Variants in POM121C observed in about 807,000 individuals in gnomAD.
POM121C encodes the protein nuclear envelope pore membrane protein POM 121C.
POM121C carries 20 observed loss-of-function variants against 66.4 expected under a neutral mutation model. The ratio of observed to expected loss-of-function variants is 0.30; its 90% confidence interval spans 0.21 to 0.44. The LOEUF (loss-of-function observed/expected upper bound fraction) is 0.44, where lower values mean the gene tolerates loss of function less well. POM121C is among the 20% of genes least tolerant of loss of function. The pLI, the probability that POM121C is intolerant of heterozygous loss-of-function variation, is 1.00. For missense variants in POM121C, 580 were observed against 1,225.7 expected (o/e 0.47, Z 7.87); for synonymous variants, 286 against 528.0 (o/e 0.54, Z 6.28).
At chr7:75,425,433 T>G in intron 9 of POM121C, 2 of 1,318,920 alleles carry the variant, frequency 1.5e-6, no homozygotes, top group African/African-American at 1.5e-5. Context: ...CTTACCTCTA[T>G]CCAATCGTTA....
rs1423510815 is a variant in POM121C at position 75,456,008 on chromosome 7, G to C, written c.-151-14361C>G. On this transcript the variant is annotated intron_variant, in intron 3 of 14. Coordinates refer to ENST00000615331, the MANE Select transcript of POM121C (RefSeq NM_001099415.3). ...CCAGCACTTTGGGAGGCCAAAGAGGGAGGACAGCTTGAGCCCAAGAGTTCA... is the reference window on the plus strand; with the variant it reads ...CCAGCACTTTGGGAGGCCAAAGAGGCAGGACAGCTTGAGCCCAAGAGTTCA... Among the ~76,000 whole-genome samples, 2 of 152,244 alleles carry C rather than the reference G, an allele frequency of 1.3e-5. 1 individual carries two copies. Among genetic ancestry groups the C allele is most frequent in the South Asian group, 4.1e-4 (2 of 4,832 alleles).
chr7:75,461,706 C>T (rs1188326893), intron 3 of POM121C, among the ~76,000 whole-genome samples: 5 of 151,894 alleles, frequency 3.3e-5, no homozygotes, highest in African/African-American at 9.7e-5. Flanking sequence ...CCACCATGCC[C>T]GGCCAAAACA....
At chr7:75,432,194 A>G (rs1790210777) in intron 7 of POM121C, among the ~76,000 whole-genome samples, 1 of 151,980 alleles carries the variant, frequency 6.6e-6, no homozygotes, top group African/African-American at 2.4e-5. Context: ...CAAAAAAAAA[A>G]AAAAAAAAAA....
At chr7:75,472,205 C>G (rs1305674691) in intron 3 of POM121C, among the ~76,000 whole-genome samples, 1 of 150,686 alleles carries the variant, frequency 6.6e-6, no homozygotes, top group Non-Finnish European at 1.5e-5. Flanking sequence ...GTTTTTTTAA[C>G]CACAATTTAA....
chr7:75,436,672 G>C (rs1164084278), intron 7 of POM121C, among the ~76,000 whole-genome samples: 1 of 152,046 alleles, frequency 6.6e-6, no homozygotes, highest in Non-Finnish European at 1.5e-5. Context: ...CACTGTAATA[G>C]GTGCTTTTTA....
At chr7:75,430,219 C>T (rs1790111994) in intron 7 of POM121C, among the ~76,000 whole-genome samples, 1 of 151,856 alleles carries the variant, frequency 6.6e-6, no homozygotes. Context: ...CAAGACAGTC[C>T]TGAAAAGAAA....
intron 5 of POM121C, among the ~76,000 whole-genome samples, chr7:75,440,321 A>C (rs1333924568): frequency 6.6e-6 from 1 of 151,680 alleles, no homozygotes; most frequent in Non-Finnish European, 1.5e-5. Flanking sequence ...TAATCCCAGC[A>C]CTTTGGGAGG....
At chr7:75,477,306 G>A (rs1792127936) in intron 1 of POM121C, among the ~76,000 whole-genome samples, 1 of 152,152 alleles carries the variant, frequency 6.6e-6, no homozygotes, top group Admixed American at 6.5e-5. Context: ...AAAGTGCTTG[G>A]GCACGGTGGC....
chr7:75,441,797 C>T, intron 3 of POM121C, 150 bp from the exon 4 acceptor site: 1 of 724,030 alleles, frequency 1.4e-6, no homozygotes, highest in Non-Finnish European at 2.2e-6. Context: ...TGGCAACTTT[C>T]CCCTATTCCA....
At chr7:75,481,816 CA>C (rs1216026156) in intron 1 of POM121C, among the ~76,000 whole-genome samples, 1 of 151,274 alleles carries the variant, frequency 6.6e-6, no homozygotes, top group African/African-American at 2.4e-5. Flanking sequence ...ACTCTGTCTC[CA>C]AAAAAAGAAA....
chr7:75,452,687 C>T (rs1191768614), intron 3 of POM121C, among the ~76,000 whole-genome samples: 2 of 152,152 alleles, frequency 1.3e-5, no homozygotes, highest in Non-Finnish European at 2.9e-5. Context: ...TCTAACATTA[C>T]CAGGGAAGAA....
chr7:75,468,876 TA>T (rs1346714271), intron 3 of POM121C, among the ~76,000 whole-genome samples: 1 of 152,100 alleles, frequency 6.6e-6, no homozygotes, highest in Admixed American at 6.6e-5. Flanking sequence ...TTTAAAACAT[TA>T]AAAATTGTTT....
chr7:75,420,414 A>C (rs868968274), intron 13 of POM121C: 1 of 151,646 alleles, frequency 6.6e-6, no homozygotes, highest in Non-Finnish European at 1.5e-5. Context: ...GGGTCTCCAC[A>C]GCCGGGTGGC....
intron 7 of POM121C, among the ~76,000 whole-genome samples, chr7:75,434,823 C>T (rs1790343612): frequency 6.6e-6 from 1 of 152,098 alleles, no homozygotes; most frequent in African/African-American, 2.4e-5. Context: ...GATCTGCCTG[C>T]CTCGGACTCT....
rs1789557747 is a variant in POM121C at position 75,418,353 on chromosome 7, A to G, written c.*443T>C. On this transcript the variant is annotated 3_prime_UTR_variant, in exon 15 of 15. Transcript: ENST00000615331. Reference sequence around the variant, plus strand: ...AGAACCACTTCTCACAGCTAAGCCAAGCAAGATAAAGCTTTAGGGATAACC... The same window carrying G: ...AGAACCACTTCTCACAGCTAAGCCAGGCAAGATAAAGCTTTAGGGATAACC... The G allele has an allele frequency of 2.0e-6, 2 of 986,754 alleles. No individual in the cohort carries two copies. Among genetic ancestry groups the G allele is most frequent in the African/African-American group, 1.7e-5 (1 of 57,346 alleles). The allele number at this position is 986,754 out of a possible 1,614,324, so 61.1% of individuals were successfully genotyped here.
At position 75,416,929 on chromosome 7, in the gene POM121C, G is replaced by T. The variant is rs1270127477; in HGVS notation, c.*1867C>A. On this transcript the variant is annotated 3_prime_UTR_variant, in exon 15 of 15. Transcript: ENST00000615331. Reference sequence around the variant, plus strand: ...CCAGCCTCCCGCTGCCGTCCAGTGTGTGTACTGTACACATCCACACTCACT... The same window carrying T: ...CCAGCCTCCCGCTGCCGTCCAGTGTTTGTACTGTACACATCCACACTCACT... 4.1e-5 allele frequency: 58 copies of T among 1,424,694 alleles called. No homozygotes were observed. The Middle Eastern group carries it at 1.0e-3, about 25-fold the overall frequency. 88.3% of individuals were successfully genotyped at this position (1,424,694 alleles called of 1,614,324 possible). A position where few individuals can be genotyped will look rare whatever the true frequency, so the allele number is the denominator to read the frequency against.
chr7:75,450,613 C>G (rs587604693), intron 3 of POM121C, among the ~76,000 whole-genome samples: 1 of 152,360 alleles, frequency 6.6e-6, no homozygotes, highest in South Asian at 2.1e-4. Context: ...TCAAGGAAAT[C>G]TCTTATCAAA....
At chr7:75,442,099 A>C (rs1554474089) in intron 3 of POM121C, 3 of 1,370,472 alleles carry the variant, frequency 2.2e-6, no homozygotes, top group African/African-American at 1.5e-5. Context: ...CTCGATTTCA[A>C]GCCAGCCGAG....
At chr7:75,468,313 CTTTTTTTT>C (rs59483137) in intron 3 of POM121C, among the ~76,000 whole-genome samples, 39 of 89,754 alleles carry the variant, frequency 4.3e-4, no homozygotes, top group African/African-American at 1.8e-3. Context: ...AAGACTCCAG[CTTTTTTTT>C]TTTTTTTTTT....
Sources: gnomAD v4.1 joint callset for allele counts (sites outside exome capture counted in the v4.1 genomes callset) on GRCh38, gnomAD v4.1.1 for gene constraint, MANE v1.5 for transcripts, NCBI Gene and HGNC (gene_info 2026-07-23, HGNC 2026-07-21) for gene names.